The following PCDHA8 variants were observed in gnomAD, a reference collection of about 807,000 sequenced individuals.
PCDHA8 encodes the protein protocadherin alpha 8.
PCDHA8 carries 53 observed loss-of-function variants against 61.8 expected under a neutral mutation model. The observed-to-expected ratio is 0.86, with a 90% confidence interval of 0.69 to 1.08. The LOEUF (loss-of-function observed/expected upper bound fraction) is 1.08. PCDHA8 is among the 50% of genes least tolerant of loss of function. The pLI, the probability that PCDHA8 is intolerant of heterozygous loss-of-function variation, is 0.00. For missense variants in PCDHA8, 1,293 were observed against 1,245.0 expected (o/e 1.04, Z -0.58); for synonymous variants, 618 against 556.6 (o/e 1.11, Z -1.55).
chr5:140,981,468 G>A (rs1554242887), intron 2 of PCDHA8, among the ~76,000 whole-genome samples: 1 of 152,172 alleles, frequency 6.6e-6, no homozygotes, highest in Non-Finnish European at 1.5e-5. Context: ...CAGCTACTTG[G>A]GAGGCTGAGG....
chr5:140,988,491 AGG>A (rs2097299997), intron 3 of PCDHA8, among the ~76,000 whole-genome samples: 1 of 152,182 alleles, frequency 6.6e-6, no homozygotes, highest in Non-Finnish European at 1.5e-5. Context: ...TCCCCTACCT[AGG>A]AGAAGCCATG....
rs2150366825 is a variant in PCDHA8, at chr5:140,843,799, A to G, written c.2394+84A>G. Reference sequence around the variant, plus strand: ...AAAAGTGTTTCAGATTTAGTTTTTCACCGTATTTTATAGTGAAAATTTAAA... The same window carrying G: ...AAAAGTGTTTCAGATTTAGTTTTTCGCCGTATTTTATAGTGAAAATTTAAA... On this transcript the variant is annotated intron_variant, in intron 1 of 3. Transcript: ENST00000531613. 59 of 1,346,314 alleles carry G rather than the reference A, an allele frequency of 4.4e-5. 4 individuals carry two copies. Among genetic ancestry groups the G allele is most frequent in the Middle Eastern group, 2.1e-4 (1 of 4,868 alleles). The allele number at this position is 1,346,314 out of a possible 1,614,324, so 83.4% of individuals were successfully genotyped here.
At chr5:140,974,040 T>C (rs1554235767) in intron 1 of PCDHA8, among the ~76,000 whole-genome samples, 2 of 152,260 alleles carry the variant, frequency 1.3e-5, no homozygotes, top group African/African-American at 4.8e-5. Context: ...TTTAGCTTAT[T>C]AATATGATAA....
At chr5:140,952,960 T>C (rs1195156838) in intron 1 of PCDHA8, among the ~76,000 whole-genome samples, 3 of 151,932 alleles carry the variant, frequency 2.0e-5, no homozygotes, top group Non-Finnish European at 4.4e-5. Flanking sequence ...GGGGAAGTGA[T>C]ACACACTTTT....
rs781820550 is a variant in PCDHA8, at chr5:140,869,927, G to A, written c.2394+26212G>A. 14 of 1,611,538 alleles carry A rather than the reference G, an allele frequency of 8.7e-6. No individual in the cohort carries two copies. The East Asian group carries it at 2.5e-4, about 28-fold the overall frequency. On this transcript the variant is annotated intron_variant, in intron 1 of 3. Coordinates refer to ENST00000531613, the MANE Select transcript of PCDHA8 (RefSeq NM_018911.3). ...ACAGACCGAGACGAAGGAGTCAATG[G>A]AGAGGTAACATACTCCTTAATGTCA...
chr5:140,853,510 A>T, intron 1 of PCDHA8: 1 of 977,306 alleles, frequency 1.0e-6, no homozygotes, highest in Non-Finnish European at 1.2e-6. Context: ...TGAAACAATA[A>T]TGAAGCTCCT....
intron 1 of PCDHA8, chr5:140,884,152 T>C (rs1279761986): frequency 1.9e-6 from 3 of 1,613,332 alleles, no homozygotes; most frequent in East Asian, 2.2e-5. Flanking sequence ...GGCTGTACAC[T>C]GGCGAGATCA....
intron 1 of PCDHA8, chr5:140,926,964 C>G (rs149218057): frequency 1.9e-6 from 3 of 1,606,346 alleles, no homozygotes; most frequent in African/African-American, 2.7e-5. Flanking sequence ...AGCTCGAGTA[C>G]TCAGTGCCGG....
intron 2 of PCDHA8, 130 bp from the exon 3 acceptor site, chr5:140,982,345 A>G: frequency 6.8e-7 from 1 of 1,471,098 alleles, no homozygotes; most frequent in Non-Finnish European, 9.1e-7. Context: ...TAATTGCTTC[A>G]GTTCAAGCAT....
chr5:140,952,215 C>T (rs2094705548), intron 1 of PCDHA8, among the ~76,000 whole-genome samples: 1 of 152,034 alleles, frequency 6.6e-6, no homozygotes, highest in African/African-American at 2.4e-5. Context: ...GCAGCTTTTC[C>T]AGGCACAGTG....
chr5:141,002,399 T>C (rs1352771753), intron 3 of PCDHA8, among the ~76,000 whole-genome samples: 1 of 152,236 alleles, frequency 6.6e-6, no homozygotes, highest in African/African-American at 2.4e-5. Context: ...GGCATCTCTG[T>C]GCCTCCCAAA....
chr5:140,869,516 A>G, intron 1 of PCDHA8: 2 of 1,614,226 alleles, frequency 1.2e-6, no homozygotes, highest in Non-Finnish European at 1.7e-6. Flanking sequence ...CTCAGAGAAC[A>G]AAAGCTGCTG....
At chr5:140,970,854 T>TG (rs1554232785) in intron 1 of PCDHA8, among the ~76,000 whole-genome samples, 1 of 152,148 alleles carries the variant, frequency 6.6e-6, no homozygotes, top group Non-Finnish European at 1.5e-5. Context: ...GCACAAAAGT[T>TG]CCATTCCTGA....
At chr5:140,869,770 A>G in intron 1 of PCDHA8, 1 of 1,613,216 alleles carries the variant, frequency 6.2e-7, no homozygotes, top group South Asian at 1.1e-5. Flanking sequence ...ACCAGAGCTT[A>G]CTGGCACCGT....
At chr5:140,938,427 T>G (rs992312670) in intron 1 of PCDHA8, among the ~76,000 whole-genome samples, 3 of 152,206 alleles carry the variant, frequency 2.0e-5, no homozygotes, top group African/African-American at 7.2e-5. Flanking sequence ...GCAAAAATCC[T>G]TTATCAGATT....
In PCDHA8 at chr5:140,850,260, G is replaced by T. The variant is rs2150476183; in HGVS notation, c.2394+6545G>T. On this transcript the variant is annotated intron_variant, in intron 1 of 3. Transcript: ENST00000531613. Reference sequence around the variant, plus strand: ...GGTGCTGCGGTCGGTGGGCGCCGGCGTAGTGGTGGGGAAGGTGCGCGCAGT... The same window carrying T: ...GGTGCTGCGGTCGGTGGGCGCCGGCTTAGTGGTGGGGAAGGTGCGCGCAGT... 1.2e-4 allele frequency: 186 copies of T among 1,594,256 alleles called. 15 individuals carry two copies. The highest frequency in any genetic ancestry group is 2.2e-4 in the Middle Eastern group (1 of 4,474).
At chr5:140,865,963 C>A (rs182783301) in intron 1 of PCDHA8, 23 of 152,226 alleles carry the variant, frequency 1.5e-4, no homozygotes, top group Non-Finnish European at 3.1e-4. Flanking sequence ...TAATTTTGTA[C>A]AATGTGTGAT....
chr5:140,953,055 T>C (rs1389436711), intron 1 of PCDHA8, among the ~76,000 whole-genome samples: 3 of 152,178 alleles, frequency 2.0e-5, no homozygotes, highest in African/African-American at 7.2e-5. Flanking sequence ...CAATCACCTC[T>C]CACAGGCCCC....
chr5:140,927,624 G>A (rs1554204821), intron 1 of PCDHA8: 3 of 1,614,212 alleles, frequency 1.9e-6, no homozygotes, highest in Non-Finnish European at 2.5e-6. Context: ...AGGTTCCAGA[G>A]ACTGCACCCA....
Sources: allele counts gnomAD v4.1 joint callset (sites outside exome capture counted in the v4.1 genomes callset), GRCh38; gene constraint gnomAD v4.1.1; transcripts MANE v1.5; gene names NCBI Gene and HGNC (gene_info 2026-07-23, HGNC 2026-07-21).